Variants in MBP observed in about 807,000 individuals in gnomAD.
The protein encoded by MBP is myelin basic protein.
MBP carries 16 observed loss-of-function variants against 35.8 expected under a neutral mutation model. That is an observed-to-expected ratio of 0.45 (90% CI 0.30 to 0.68). The LOEUF (loss-of-function observed/expected upper bound fraction) is 0.68. Among genes scored for constraint, MBP ranks in the 30% least tolerant of loss-of-function variants. MBP has a pLI of 0.08. For synonymous variants in MBP, 143 were observed against 159.6 expected, an observed-to-expected ratio of 0.90 and a Z score of 0.78; for missense variants, 380 against 404.7, an observed-to-expected ratio of 0.94 and a Z score of 0.52.
At chr18:76,985,820 TGGA>T in intron 7 of MBP, 1 of 988,626 alleles carries the variant, frequency 1.0e-6, no homozygotes, top group Non-Finnish European at 1.2e-6. Context: ...ACTCCTCAGG[TGGA>T]GGCTGCCAGC....
At chr18:77,053,051 G>T (rs944740186) in intron 3 of MBP, among the ~76,000 whole-genome samples, 2 of 152,220 alleles carry the variant, frequency 1.3e-5, no homozygotes, top group African/African-American at 4.8e-5. Flanking sequence ...TAAATAGAAG[G>T]CCCCAAAAGA....
intron 1 of MBP, among the ~76,000 whole-genome samples, chr18:77,108,020 T>C (rs1976333852): frequency 6.6e-6 from 1 of 152,182 alleles, no homozygotes; most frequent in African/African-American, 2.4e-5. Context: ...TTAGTGGAAA[T>C]GGCCCCTGAG....
chr18:77,128,898 G>A (rs1255117249), intron 1 of MBP, among the ~76,000 whole-genome samples: 3 of 152,082 alleles, frequency 2.0e-5, no homozygotes, highest in African/African-American at 7.2e-5. Flanking sequence ...TTACATTCTA[G>A]TCGAACTCAT....
In MBP at chr18:77,127,166, T is replaced by C. The variant is rs1977077418; in HGVS notation, c.-26+5414A>G. The C allele has an allele frequency of 2.0e-5, 3 of 152,200 alleles. No homozygotes were observed. The South Asian group carries it at 6.2e-4, about 32-fold the overall frequency. 9.4% of individuals were successfully genotyped at this position (152,200 alleles called of 1,614,324 possible). ...CTACAGTAATCAAGACAGTGTGCTC[T>C]TGGCAGAGAGACTGACATATAGACT... On this transcript the variant is annotated intron_variant, in intron 1 of 8. Coordinates refer to ENST00000355994, the MANE Select transcript of MBP (RefSeq NM_001025101.2).
At chr18:77,016,282 C>A in intron 4 of MBP, 1 of 985,416 alleles carries the variant, frequency 1.0e-6, no homozygotes, top group South Asian at 4.7e-5. Flanking sequence ...ATTTATCCCT[C>A]CCCCCTTCCA....
chr18:77,061,733 C>T (rs1973991416), intron 3 of MBP, among the ~76,000 whole-genome samples: 1 of 152,162 alleles, frequency 6.6e-6, no homozygotes, highest in African/African-American at 2.4e-5. Context: ...TTACTGTTTC[C>T]TGGTGTTTTT....
At chr18:77,069,245 T>G (rs538546337) in intron 2 of MBP, among the ~76,000 whole-genome samples, 2 of 152,200 alleles carry the variant, frequency 1.3e-5, no homozygotes, top group Non-Finnish European at 2.9e-5. Context: ...GAGCCAAAGA[T>G]AGCTGGCTAT....
intron 3 of MBP, among the ~76,000 whole-genome samples, chr18:77,056,747 C>A (rs1973740251): frequency 6.6e-6 from 1 of 152,170 alleles, no homozygotes; most frequent in Non-Finnish European, 1.5e-5. Flanking sequence ...CCTGGGGTAA[C>A]TTTTCTTTGA....
At chr18:77,027,895 C>T (rs1972285462) in intron 3 of MBP, among the ~76,000 whole-genome samples, 1 of 152,168 alleles carries the variant, frequency 6.6e-6, no homozygotes, top group East Asian at 1.9e-4. Context: ...TGCTGTGTTG[C>T]TCAGGGTTGT....
In MBP at chr18:76,990,157, ATTTT is replaced by A. The variant is rs35688328; in HGVS notation, c.577-101_577-98del. On this transcript the variant is annotated intron_variant, in intron 4 of 8. Transcript: ENST00000355994. ...GGATCTCTCCTCCTTTGTAATCTGG[ATTTT>A]TTTTTTTTTTAACAGTCAGGAATAC... 1,191 of 604,998 alleles carry A rather than the reference ATTTT, an allele frequency of 2.0e-3. 13 individuals carry two copies. Among genetic ancestry groups the A allele is most frequent in the African/African-American group, 0.019 (956 of 50,316 alleles). 37.5% of individuals were successfully genotyped at this position (604,998 alleles called of 1,614,324 possible). A position where few individuals can be genotyped will look rare whatever the true frequency, so the allele number is the denominator to read the frequency against.
At chr18:77,015,804 T>C (rs1390814981) in intron 4 of MBP, 2 of 985,354 alleles carry the variant, frequency 2.0e-6, no homozygotes, top group African/African-American at 1.7e-5. Flanking sequence ...ATGGTTTTTA[T>C]GATTGCATGT....
At chr18:77,015,484 G>A (rs1049403697) in intron 4 of MBP, 2 of 985,388 alleles carry the variant, frequency 2.0e-6, no homozygotes, top group Non-Finnish European at 2.4e-6. Flanking sequence ...GGTGAGGGAG[G>A]ACTGCTACAA....
intron 3 of MBP, among the ~76,000 whole-genome samples, chr18:77,036,454 C>G (rs1972772205): frequency 8.2e-6 from 1 of 122,582 alleles, no homozygotes; most frequent in African/African-American, 3.5e-5. Context: ...CTGAGCTGAG[C>G]AAGTGCTGGT....
At chr18:77,109,731 T>C (rs1283112081) in intron 1 of MBP, 1 of 152,224 alleles carries the variant, frequency 6.6e-6, no homozygotes, top group African/African-American at 2.4e-5. Context: ...GCATGTCAGG[T>C]GCCATAATGC....
chr18:76,982,012 G>A (rs1442381334), intron 8 of MBP: 1 of 152,214 alleles, frequency 6.6e-6, no homozygotes, highest in East Asian at 1.9e-4. Context: ...CTTTCTTGAT[G>A]CCCCCTTTTG....
intron 4 of MBP, among the ~76,000 whole-genome samples, chr18:77,008,536 C>A (rs1267505863): frequency 6.6e-6 from 1 of 152,190 alleles, no homozygotes; most frequent in Non-Finnish European, 1.5e-5. Flanking sequence ...GTTGCCTCCA[C>A]CCCTGTGGCT....
chr18:77,052,590 T>A (rs975711307), intron 3 of MBP, among the ~76,000 whole-genome samples: 4 of 152,228 alleles, frequency 2.6e-5, no homozygotes, highest in African/African-American at 7.2e-5. Flanking sequence ...TAGGGGTAAG[T>A]GCACAGGAAA....
intron 2 of MBP, among the ~76,000 whole-genome samples, chr18:77,068,002 G>A (rs1305444031): frequency 6.7e-6 from 1 of 148,634 alleles, no homozygotes; most frequent in East Asian, 2.0e-4. Context: ...GCCCTATCTG[G>A]AAACCCTCCA....
chr18:77,079,932 C>CTCT (rs1568328854), intron 2 of MBP, among the ~76,000 whole-genome samples: 8 of 152,154 alleles, frequency 5.3e-5, no homozygotes. Context: ...CGGGATTGAA[C>CTCT]GGTTCTTCAC....
Sources: gnomAD v4.1 joint callset for allele counts (sites outside exome capture counted in the v4.1 genomes callset) on GRCh38, gnomAD v4.1.1 for gene constraint, MANE v1.5 for transcripts, NCBI Gene and HGNC (gene_info 2026-07-23, HGNC 2026-07-21) for gene names.